The following CUL1 variants were observed in gnomAD, a reference collection of about 807,000 sequenced individuals.
The protein encoded by CUL1 is cullin-1.
CUL1 carries 24 observed loss-of-function variants against 118.0 expected under a neutral mutation model. That is an observed-to-expected ratio of 0.20 (90% CI 0.15 to 0.29). The LOEUF is 0.29. CUL1 is among the 10% of genes least tolerant of loss of function. The probability of loss-of-function intolerance (pLI) is 1.00; values close to 1 mark genes in which losing one functional copy is unlikely to be tolerated. For synonymous variants in CUL1, 332 were observed against 340.4 expected, an observed-to-expected ratio of 0.98 and a Z score of 0.27; for missense variants, 361 against 933.8, an observed-to-expected ratio of 0.39 and a Z score of 7.99.
In CUL1 at chr7:148,730,020, G is replaced by A; in HGVS notation, c.-103G>A. ...TAAAGGACATCCTTTCTGAGCTGCTGTGAATAAATTTGGAATGGTACTGTA... is the reference window on the plus strand; with the variant it reads ...TAAAGGACATCCTTTCTGAGCTGCTATGAATAAATTTGGAATGGTACTGTA... On this transcript the variant is annotated 5_prime_UTR_variant, in exon 2 of 22. The change creates a new upstream start codon in the 5' untranslated region. Transcript: ENST00000325222. 1.0e-5 allele frequency: 13 copies of A among 1,290,296 alleles called. No individual in the cohort carries two copies. The highest frequency in any genetic ancestry group is 1.3e-5 in the Non-Finnish European group (12 of 944,692). The allele number at this position is 1,290,296 out of a possible 1,614,324, so 79.9% of individuals were successfully genotyped here.
At chr7:148,798,775 T>G in intron 20 of CUL1, 98 bp downstream of exon 20, 1 of 943,162 alleles carries the variant, frequency 1.1e-6, no homozygotes, top group Non-Finnish European at 1.7e-6. Context: ...GACAAAGGAG[T>G]GATTGCCAGA....
intron 9 of CUL1, chr7:148,783,302 C>T: frequency 6.1e-6 from 6 of 983,778 alleles, no homozygotes; most frequent in Non-Finnish European, 7.2e-6. Context: ...CGCGGATCCG[C>T]GCCTCTGGTT....
At position 148,727,570 on chromosome 7, in the gene CUL1, A is replaced by T. The variant is rs189075690; in HGVS notation, c.-161-2392A>T. ...ACAGTAAAGAAACAAGTGCAGGTTTATGGCCTGGAGTAAGTGTTAAGAAGG... is the reference window on the plus strand; with the variant it reads ...ACAGTAAAGAAACAAGTGCAGGTTTTTGGCCTGGAGTAAGTGTTAAGAAGG... On this transcript the variant is annotated intron_variant, in intron 1 of 21. Coordinates refer to ENST00000325222, the MANE Select transcript of CUL1 (RefSeq NM_003592.3). 2.0e-5 allele frequency among the ~76,000 whole-genome samples: 3 copies of T among 152,310 alleles called. No individual in the cohort carries two copies. The East Asian group carries it at 5.8e-4, about 29-fold the overall frequency.
At chr7:148,757,269 T>A in intron 4 of CUL1, 119 bp downstream of exon 4, 1 of 506,810 alleles carries the variant, frequency 2.0e-6, no homozygotes, top group Non-Finnish European at 3.2e-6. Flanking sequence ...AATAGTAAAC[T>A]AATTTTCATT....
intron 11 of CUL1, among the ~76,000 whole-genome samples, chr7:148,785,644 G>A (rs1476979174): frequency 6.6e-6 from 1 of 151,564 alleles, no homozygotes; most frequent in Admixed American, 6.6e-5. Context: ...GATTACAGGT[G>A]TGAGCCACCA....
chr7:148,703,211 T>C (rs548778522), intron 1 of CUL1, among the ~76,000 whole-genome samples: 1 of 152,332 alleles, frequency 6.6e-6, no homozygotes, highest in African/African-American at 2.4e-5. Context: ...GAATTCATTA[T>C]GCAGAACTGT....
At chr7:148,790,733 GTGTT>G (rs952640193) in intron 16 of CUL1, among the ~76,000 whole-genome samples, 2 of 152,182 alleles carry the variant, frequency 1.3e-5, no homozygotes, top group African/African-American at 4.8e-5. Context: ...TATTTAGTAA[GTGTT>G]TGGCACCGCT....
Position 148,797,844 on chromosome 7 carries a change from A to G in CUL1, c.1932A>G (p.Leu644=). The G allele has an allele frequency of 1.9e-6, 3 of 1,613,580 alleles. No individual in the cohort carries two copies. Among genetic ancestry groups the G allele is most frequent in the Non-Finnish European group, 8.5e-7 (1 of 1,179,788 alleles). Residue 644 remains leucine (L), a synonymous_variant, in exon 18 of 22, where the codon TTA becomes TTG. Coordinates refer to ENST00000325222, the MANE Select transcript of CUL1 (RefSeq NM_003592.3). ...DILAQVLQIL[L]KSKLLVLEDE... ...TGGCGCAAGTTTTACAGATTTTATT[A>G]AAGTCGAAGCTATTGGTAGGTTTGC...
chr7:148,733,853 G>T (rs944347719), intron 2 of CUL1, among the ~76,000 whole-genome samples: 2 of 152,116 alleles, frequency 1.3e-5, no homozygotes, highest in Non-Finnish European at 2.9e-5. Context: ...GGAGAAAATT[G>T]TGTGTTTTTT....
chr7:148,760,834 T>G (rs550288692), intron 7 of CUL1, among the ~76,000 whole-genome samples: 1 of 152,354 alleles, frequency 6.6e-6, no homozygotes, highest in Admixed American at 6.5e-5. Flanking sequence ...TATTTTCAGA[T>G]TTGCAAACTT....
chr7:148,763,023 T>G (rs1799885345), intron 7 of CUL1, among the ~76,000 whole-genome samples: 1 of 152,122 alleles, frequency 6.6e-6, no homozygotes, highest in Non-Finnish European at 1.5e-5. Flanking sequence ...GGCGGACGCC[T>G]GTTATCCCAG....
chr7:148,768,548 C>T (rs915404443), intron 9 of CUL1, among the ~76,000 whole-genome samples: 2 of 151,930 alleles, frequency 1.3e-5, no homozygotes, highest in African/African-American at 4.8e-5. Flanking sequence ...CCATTCCCGG[C>T]TAATTTTTGT....
At chr7:148,752,634 A>G (rs1258568770) in intron 2 of CUL1, among the ~76,000 whole-genome samples, 3 of 151,904 alleles carry the variant, frequency 2.0e-5, no homozygotes, top group African/African-American at 7.3e-5. Flanking sequence ...TTTCATCTTA[A>G]TCTACAATTT....
chr7:148,750,231 G>A (rs372119150), intron 2 of CUL1, among the ~76,000 whole-genome samples: 20 of 151,984 alleles, frequency 1.3e-4, no homozygotes, highest in East Asian at 7.7e-4. Context: ...AGGTGGCTGC[G>A]TAAGCAACAG....
At chr7:148,782,449 T>C (rs1489004605) in intron 9 of CUL1, among the ~76,000 whole-genome samples, 2 of 152,250 alleles carry the variant, frequency 1.3e-5, no homozygotes, top group Non-Finnish European at 2.9e-5. Flanking sequence ...TTTAAGATGG[T>C]AATTTTAAAA....
chr7:148,750,303 T>TC (rs1290053397), intron 2 of CUL1, among the ~76,000 whole-genome samples: 1 of 151,736 alleles, frequency 6.6e-6, no homozygotes, highest in Non-Finnish European at 1.5e-5. Flanking sequence ...ACTTTTTTTT[T>TC]TTTTTTTAAA....
chr7:148,733,778 C>A (rs1798848580), intron 2 of CUL1, among the ~76,000 whole-genome samples: 1 of 152,148 alleles, frequency 6.6e-6, no homozygotes. Flanking sequence ...AGGAGGGATT[C>A]TTTTCCTTCC....
chr7:148,715,398 C>A (rs139739841), intron 1 of CUL1, among the ~76,000 whole-genome samples: 1 of 152,224 alleles, frequency 6.6e-6, no homozygotes, highest in Non-Finnish European at 1.5e-5. Context: ...GCTCCTGGCA[C>A]TTACCACAGT....
chr7:148,799,730 GT>G (rs1563173264), intron 21 of CUL1, among the ~76,000 whole-genome samples: 1 of 150,798 alleles, frequency 6.6e-6, no homozygotes, highest in East Asian at 2.0e-4. Flanking sequence ...CCATAAAACA[GT>G]TTTGCCTGCT....
Sources: gnomAD v4.1 joint callset for allele counts (sites outside exome capture counted in the v4.1 genomes callset) on GRCh38, gnomAD v4.1.1 for gene constraint, MANE v1.5 for transcripts, NCBI Gene and HGNC (gene_info 2026-07-23, HGNC 2026-07-21) for gene names.